Variants in RPH3A observed in about 807,000 individuals in gnomAD.
The protein encoded by RPH3A is rabphilin-3A.
RPH3A carries 48 observed loss-of-function variants against 102.2 expected under a neutral mutation model. The observed-to-expected ratio is 0.47, with a 90% CI of 0.37 to 0.60. The LOEUF (loss-of-function observed/expected upper bound fraction) is 0.60. Among genes scored for constraint, RPH3A ranks in the 20% least tolerant of loss-of-function variants. RPH3A has a pLI of 0.00. For missense variants in RPH3A, 781 were observed against 910.1 expected, an observed-to-expected ratio of 0.86 and a Z score of 1.83; for synonymous variants, 310 against 324.3, an observed-to-expected ratio of 0.96 and a Z score of 0.47.
intron 1 of RPH3A, among the ~76,000 whole-genome samples, chr12:112,740,892 A>G (rs1195619018): frequency 6.6e-6 from 1 of 152,210 alleles, no homozygotes; most frequent in Non-Finnish European, 1.5e-5. Context: ...TTAAAATCAG[A>G]ATCAAAATGG....
intron 2 of RPH3A, among the ~76,000 whole-genome samples, chr12:112,819,588 T>C (rs916543411): frequency 3.9e-4 from 59 of 152,298 alleles, no homozygotes; most frequent in African/African-American, 1.4e-3. Flanking sequence ...CCCCACAAAA[T>C]AGTGGCTTAG....
intron 18 of RPH3A, 25 bp downstream of exon 18, chr12:112,890,105 C>G: frequency 6.2e-7 from 1 of 1,608,902 alleles, no homozygotes; most frequent in Non-Finnish European, 8.5e-7. Context: ...GGAATTGAAG[C>G]CACAGTCAGG....
chr12:112,862,855 G>C (rs1226729397), intron 5 of RPH3A, among the ~76,000 whole-genome samples: 5 of 152,262 alleles, frequency 3.3e-5, no homozygotes, highest in African/African-American at 1.2e-4. Context: ...GGGAGAGTCA[G>C]CATTAAGTGC....
intron 5 of RPH3A, among the ~76,000 whole-genome samples, chr12:112,851,091 G>C (rs1042694383): frequency 6.6e-6 from 1 of 152,204 alleles, no homozygotes; most frequent in African/African-American, 2.4e-5. Flanking sequence ...TGAAATCACT[G>C]TTGATAAACA....
At chr12:112,631,679 C>T (rs1403472577) in intron 1 of RPH3A, among the ~76,000 whole-genome samples, 1 of 151,850 alleles carries the variant, frequency 6.6e-6, no homozygotes, top group Non-Finnish European at 1.5e-5. Context: ...TATGCCACCG[C>T]ACCTGCTAAT....
chr12:112,734,565 A>C (rs1174485325), intron 1 of RPH3A, among the ~76,000 whole-genome samples: 1 of 152,236 alleles, frequency 6.6e-6, no homozygotes, highest in Non-Finnish European at 1.5e-5. Flanking sequence ...AAGTTTATTA[A>C]GAAAGTAAAG....
chr12:112,862,828 G>A (rs1377896681), intron 5 of RPH3A, among the ~76,000 whole-genome samples: 1 of 152,244 alleles, frequency 6.6e-6, no homozygotes, highest in Non-Finnish European at 1.5e-5. Context: ...GGTGTGGCAG[G>A]AGCAACGAGG....
chr12:112,751,176 T>C (rs984233816), intron 1 of RPH3A, among the ~76,000 whole-genome samples: 5 of 152,386 alleles, frequency 3.3e-5, no homozygotes, highest in African/African-American at 1.2e-4. Context: ...GCATACTCAC[T>C]ACATGATTCA....
At chr12:112,579,701 C>A (rs1243801609) in intron 1 of RPH3A, among the ~76,000 whole-genome samples, 1 of 152,096 alleles carries the variant, frequency 6.6e-6, no homozygotes, top group Non-Finnish European at 1.5e-5. Flanking sequence ...ACAACTACTG[C>A]CAACTGCCTT....
At chr12:112,825,092 C>T (rs889040504) in intron 2 of RPH3A, among the ~76,000 whole-genome samples, 1 of 152,188 alleles carries the variant, frequency 6.6e-6, no homozygotes, top group Non-Finnish European at 1.5e-5. Flanking sequence ...GCCAGAGGTC[C>T]TCCAGGTGGG....
chr12:112,714,546 A>C (rs1308511722), intron 1 of RPH3A, among the ~76,000 whole-genome samples: 4 of 152,200 alleles, frequency 2.6e-5, no homozygotes, highest in Non-Finnish European at 5.9e-5. Context: ...TATTATTTGC[A>C]TATTGCTGAA....
chr12:112,752,154 A>G (rs187243724), intron 1 of RPH3A, among the ~76,000 whole-genome samples: 41 of 152,256 alleles, frequency 2.7e-4, no homozygotes, highest in Non-Finnish European at 5.3e-4. Context: ...GAAAATCCCA[A>G]TCTTTTATAT....
chr12:112,595,490 C>T (rs1310364306), intron 1 of RPH3A, among the ~76,000 whole-genome samples: 1 of 152,168 alleles, frequency 6.6e-6, no homozygotes, highest in Non-Finnish European at 1.5e-5. Flanking sequence ...CTGACAACTT[C>T]CAAGCCCTCT....
chr12:112,651,193 CT>C (rs1314305880), intron 1 of RPH3A, among the ~76,000 whole-genome samples: 1 of 151,614 alleles, frequency 6.6e-6, no homozygotes, highest in Non-Finnish European at 1.5e-5. Flanking sequence ...AACCCCGTTC[CT>C]AAAAAAAACA....
chr12:112,670,427 C>T (rs111347298), intron 1 of RPH3A, among the ~76,000 whole-genome samples: 2 of 152,100 alleles, frequency 1.3e-5, no homozygotes, highest in Non-Finnish European at 2.9e-5. Context: ...AGGAGTTCTG[C>T]CTTGGAGCTC....
intron 15 of RPH3A, among the ~76,000 whole-genome samples, 162 bp from the exon 16 acceptor site, chr12:112,883,131 A>T (rs2042944570): frequency 6.6e-6 from 1 of 152,138 alleles, no homozygotes; most frequent in Admixed American, 6.6e-5. Context: ...ATCCTAGAGG[A>T]CATCCCCCAC....
At chr12:112,605,016 C>T (rs1247012266) in intron 1 of RPH3A, among the ~76,000 whole-genome samples, 1 of 152,206 alleles carries the variant, frequency 6.6e-6, no homozygotes, top group Non-Finnish European at 1.5e-5. Context: ...ATTCAAGGGG[C>T]TCTACCTTCA....
chr12:112,895,763 T>G lies in RPH3A; in HGVS notation c.1858-14T>G. 1 of 1,597,628 alleles carries G rather than the reference T, an allele frequency of 6.3e-7. No individual in the cohort carries two copies. Among genetic ancestry groups the G allele is most frequent in the South Asian group, 1.1e-5 (1 of 90,668 alleles). Reference sequence around the variant, plus strand: ...GAGGGCTCTTACCCACATGTCTTCCTCTGTTGTATTCAGGAGTTTTTCTAT... The same window carrying G: ...GAGGGCTCTTACCCACATGTCTTCCGCTGTTGTATTCAGGAGTTTTTCTAT... On this transcript the variant is annotated splice_polypyrimidine_tract_variant and intron_variant, in intron 20 of 21. Coordinates refer to ENST00000389385, the MANE Select transcript of RPH3A (RefSeq NM_001143854.2).
At chr12:112,734,415 C>A (rs896572665) in intron 1 of RPH3A, among the ~76,000 whole-genome samples, 5 of 152,162 alleles carry the variant, frequency 3.3e-5, no homozygotes, top group African/African-American at 1.2e-4. Flanking sequence ...GAACATATTC[C>A]CATCATTACG....
Sources: allele counts gnomAD v4.1 joint callset (sites outside exome capture counted in the v4.1 genomes callset), GRCh38; gene constraint gnomAD v4.1.1; transcripts MANE v1.5; gene names NCBI Gene and HGNC (gene_info 2026-07-23, HGNC 2026-07-21).